NUP155: variants seen among roughly 807,000 people sequenced by gnomAD.
NUP155 encodes nucleoporin 155.
Under a neutral mutation model 180.4 loss-of-function variants are expected in NUP155, and 71 were observed. The ratio of observed to expected loss-of-function variants is 0.39; its 90% CI spans 0.33 to 0.48. The LOEUF (loss-of-function observed/expected upper bound fraction) is 0.48. Among genes scored for constraint, NUP155 ranks in the 20% least tolerant of loss-of-function variants. The probability of loss-of-function intolerance (pLI) is 0.91; values close to 1 mark genes in which losing one functional copy is unlikely to be tolerated. For missense variants in NUP155, 1,553 were observed against 1,648.9 expected (o/e 0.94, Z 1.01); for synonymous variants, 582 against 559.5 (o/e 1.04, Z -0.57).
At chr5:37,358,889 C>T (rs1202603858) in intron 3 of NUP155, among the ~76,000 whole-genome samples, 3 of 151,966 alleles carry the variant, frequency 2.0e-5, no homozygotes, top group African/African-American at 7.3e-5. Flanking sequence ...TGGTGGCGCA[C>T]GCCTGTGGTC....
Position 37,303,707 on chromosome 5 carries a change from A to G in NUP155, c.3163-293T>C, listed in dbSNP as rs1486071337. Among the ~76,000 whole-genome samples, 4 of 152,272 alleles carry G rather than the reference A, an allele frequency of 2.6e-5. No individual in the cohort carries two copies. In the South Asian group the frequency reaches 6.2e-4, roughly 24 times the overall value. ...ATGTCTGTAATCCTCGCACTTTGGGAGGCCGAGGTGGGCAGATCATGTGAG... is the reference window on the plus strand; with the variant it reads ...ATGTCTGTAATCCTCGCACTTTGGGGGGCCGAGGTGGGCAGATCATGTGAG... On this transcript the variant is annotated intron_variant, in intron 27 of 34. Transcript: ENST00000231498.
Position 37,322,934 on chromosome 5 carries a change from T to C in NUP155, c.2207+1058A>G, listed in dbSNP as rs1340721753. On this transcript the variant is annotated intron_variant, in intron 20 of 34. Transcript: ENST00000231498. ...GTTGCAGTGAGCCGAGATTGCACCA[T>C]TGCACTCCAGCCTGGGCGACAAGAG... Among the ~76,000 whole-genome samples the C allele has an allele frequency of 6.0e-5, 9 of 148,948 alleles. 1 individual carries two copies. Among genetic ancestry groups the C allele is most frequent in the Admixed American group, 3.3e-4 (5 of 14,976 alleles).
intron 22 of NUP155, 85 bp from the exon 23 acceptor site, chr5:37,310,828 C>A (rs1743481216): frequency 9.1e-7 from 1 of 1,098,686 alleles, no homozygotes; most frequent in Non-Finnish European, 1.3e-6. Flanking sequence ...ATTAAAATAA[C>A]CTAAATATTA....
At chr5:37,307,553 C>T (rs563072296) in intron 24 of NUP155, 121 bp from the exon 25 acceptor site, 2 of 937,484 alleles carry the variant, frequency 2.1e-6, no homozygotes, top group East Asian at 5.0e-5. Context: ...AGTCACCCTG[C>T]TAACATAAAA....
In NUP155 at chr5:37,371,078, G is replaced by A. The variant is rs1747942697; in HGVS notation, c.-101C>T. The A allele has an allele frequency of 1.5e-6, 2 of 1,297,350 alleles. No homozygotes were observed. Among genetic ancestry groups the A allele is most frequent in the South Asian group, 1.2e-5 (1 of 80,868 alleles). 80.4% of individuals were successfully genotyped at this position (1,297,350 alleles called of 1,614,324 possible). On this transcript the variant is annotated 5_prime_UTR_variant, in exon 1 of 35. Coordinates refer to ENST00000231498, the MANE Select transcript of NUP155 (RefSeq NM_153485.3). Reference sequence around the variant, plus strand: ...CTTAGATCCGCCGCCTAGGGCGCGCGCGCCAAACGAGCGCCTTGGCGCCTC... The same window carrying A: ...CTTAGATCCGCCGCCTAGGGCGCGCACGCCAAACGAGCGCCTTGGCGCCTC...
intron 20 of NUP155, among the ~76,000 whole-genome samples, chr5:37,319,465 A>G (rs1744104546): frequency 1.3e-5 from 2 of 152,236 alleles, no homozygotes; most frequent in Admixed American, 6.5e-5. Context: ...GGTAAGGGGG[A>G]AAATGATATG....
chr5:37,344,691 G>A (rs1187545648), intron 9 of NUP155, among the ~76,000 whole-genome samples: 1 of 151,570 alleles, frequency 6.6e-6, no homozygotes, highest in Non-Finnish European at 1.5e-5. Flanking sequence ...GGCCAACATG[G>A]TAAAACCCCG....
At chr5:37,357,797 A>C (rs1746938900) in intron 4 of NUP155, among the ~76,000 whole-genome samples, 1 of 152,068 alleles carries the variant, frequency 6.6e-6, no homozygotes, top group Admixed American at 6.6e-5. Context: ...AGTTGAGACC[A>C]GCCTGGCCAA....
In NUP155 at chr5:37,325,970, G is replaced by A. The variant is rs753849344; in HGVS notation, c.2025-3C>T. Reference sequence around the variant, plus strand: ...CTAAGCTTGCATCCCAAATGTTTCTGGAAAAAAAAAAGTTTTAATGATTGT... The same window carrying A: ...CTAAGCTTGCATCCCAAATGTTTCTAGAAAAAAAAAAGTTTTAATGATTGT... On this transcript the variant is annotated splice_region_variant and splice_polypyrimidine_tract_variant and intron_variant, in intron 18 of 34. Coordinates refer to ENST00000231498, the MANE Select transcript of NUP155 (RefSeq NM_153485.3). 1 of 1,601,898 alleles carries A rather than the reference G, an allele frequency of 6.2e-7. No homozygotes were observed. The highest frequency in any genetic ancestry group is 1.1e-5 in the South Asian group (1 of 90,282).
chr5:37,358,159 TA>T lies in NUP155; in HGVS notation c.393-9del, dbSNP rs1416249924. 6.2e-7 allele frequency: 1 copy of T among 1,602,824 alleles called. No individual in the cohort carries two copies. Among genetic ancestry groups the T allele is most frequent in the South Asian group, 1.1e-5 (1 of 90,872 alleles). On this transcript the variant is annotated splice_polypyrimidine_tract_variant and intron_variant, in intron 3 of 34. Coordinates refer to ENST00000231498, the MANE Select transcript of NUP155 (RefSeq NM_153485.3). The stretch of plus-strand genomic sequence containing the variant: ...AAATAGGCAAGGTCTCCTCTGTGAA[TA>T]AATGAAGAAAAACATGTTACACATA...
intron 12 of NUP155, among the ~76,000 whole-genome samples, chr5:37,335,832 G>C (rs1253399019): frequency 6.6e-6 from 1 of 152,016 alleles, no homozygotes; most frequent in Admixed American, 6.6e-5. Context: ...TGTGCCTGTA[G>C]TCCCAGCTAC....
intron 20 of NUP155, 96 bp from the exon 21 acceptor site, chr5:37,318,181 T>C (rs1744024093): frequency 1.2e-6 from 1 of 866,560 alleles, no homozygotes; most frequent in East Asian, 2.5e-5. Context: ...TTTACTTTTT[T>C]TAAATAATTC....
intron 17 of NUP155, among the ~76,000 whole-genome samples, chr5:37,328,149 T>C (rs1253387121): frequency 1.3e-5 from 2 of 152,226 alleles, no homozygotes; most frequent in Admixed American, 6.5e-5. Context: ...AGCCAAATAA[T>C]GGGCTTTCCA....
chr5:37,327,506 A>G, intron 18 of NUP155, 123 bp downstream of exon 18: 3 of 1,004,548 alleles, frequency 3.0e-6, no homozygotes, highest in Non-Finnish European at 4.6e-6. Flanking sequence ...TTATTGATCA[A>G]CAAGTGAGCT....
intron 12 of NUP155, among the ~76,000 whole-genome samples, chr5:37,336,151 T>C (rs570167777): frequency 1.2e-4 from 18 of 152,184 alleles, no homozygotes; most frequent in Non-Finnish European, 2.5e-4. Flanking sequence ...AACTCAAATA[T>C]TAAATCAAAT....
chr5:37,368,099 G>A (rs557499742), intron 1 of NUP155, among the ~76,000 whole-genome samples: 16 of 151,780 alleles, frequency 1.1e-4, no homozygotes, highest in Non-Finnish European at 2.1e-4. Flanking sequence ...TAGAGACAGG[G>A]TTTTGCCATG....
At chr5:37,341,054 A>T (rs773770501) in intron 11 of NUP155, 36 bp downstream of exon 11, 2 of 1,478,372 alleles carry the variant, frequency 1.4e-6, no homozygotes, top group African/African-American at 2.8e-5. Context: ...AATTTTAAGA[A>T]TATAATCTTA....
intron 4 of NUP155, 109 bp downstream of exon 4, chr5:37,357,972 G>T: frequency 1.3e-6 from 1 of 773,488 alleles, no homozygotes; most frequent in Non-Finnish European, 2.3e-6. Flanking sequence ...CAGCCTACTC[G>T]ATGGAACGAG....
At chr5:37,351,136 C>T (rs527499679) in intron 6 of NUP155, 54 bp downstream of exon 6, 1 of 1,358,108 alleles carries the variant, frequency 7.4e-7, no homozygotes, top group African/African-American at 1.4e-5. Flanking sequence ...AAAGGCTTAT[C>T]TTTCCCTACT....
Sources: allele counts gnomAD v4.1 joint callset (sites outside exome capture counted in the v4.1 genomes callset), GRCh38; gene constraint gnomAD v4.1.1; transcripts MANE v1.5; gene names NCBI Gene and HGNC (gene_info 2026-07-23, HGNC 2026-07-21).